Variants in KCNJ3 observed in about 807,000 individuals in gnomAD.
KCNJ3 encodes the protein potassium inwardly rectifying channel subfamily J member 3.
In KCNJ3, 4 loss-of-function variants were observed where a neutral mutation model predicts 39.2. That is an observed-to-expected ratio of 0.10 (90% CI 0.05 to 0.23). KCNJ3 has a LOEUF of 0.23. KCNJ3 is among the 10% of genes least tolerant of loss of function. KCNJ3 has a pLI of 1.00. For missense variants in KCNJ3, 276 were observed against 634.9 expected (o/e 0.43, Z 6.08); for synonymous variants, 230 against 237.4 (o/e 0.97, Z 0.29).
intron 2 of KCNJ3, among the ~76,000 whole-genome samples, chr2:154,725,911 A>G (rs916895905): frequency 3.3e-5 from 5 of 152,018 alleles, no homozygotes; most frequent in Admixed American, 6.6e-5. Flanking sequence ...AGCCACATGT[A>G]GAAGAATGAA....
In KCNJ3 at chr2:154,811,587, C is replaced by T. The variant is rs1964461; in HGVS notation, c.920-43140C>T. Among the ~76,000 whole-genome samples, 809 of 152,218 alleles carry T rather than the reference C, an allele frequency of 5.3e-3. 5 individuals carry two copies. Among genetic ancestry groups the T allele is most frequent in the South Asian group, 0.017 (83 of 4,818 alleles). On this transcript the variant is annotated intron_variant, in intron 2 of 2. Coordinates refer to ENST00000295101, the MANE Select transcript of KCNJ3 (RefSeq NM_002239.4). ...GATTACAGGCATGAACCACTGTGCCCGGCCCAATCTATCACTTTCTTAGAG... is the reference window on the plus strand; with the variant it reads ...GATTACAGGCATGAACCACTGTGCCTGGCCCAATCTATCACTTTCTTAGAG...
intron 2 of KCNJ3, among the ~76,000 whole-genome samples, chr2:154,822,317 A>G (rs754218041): frequency 6.6e-6 from 1 of 152,126 alleles, no homozygotes; most frequent in Non-Finnish European, 1.5e-5. Flanking sequence ...CATACTTTCT[A>G]TTTTTTAACT....
At chr2:154,811,817 T>C (rs1286794088) in intron 2 of KCNJ3, among the ~76,000 whole-genome samples, 1 of 152,178 alleles carries the variant, frequency 6.6e-6, no homozygotes, top group East Asian at 1.9e-4. Context: ...GTAGCAGAGA[T>C]GGGTGGTATT....
intron 2 of KCNJ3, among the ~76,000 whole-genome samples, chr2:154,755,625 C>T (rs1194014513): frequency 1.3e-5 from 2 of 150,238 alleles, no homozygotes; most frequent in Non-Finnish European, 3.0e-5. Context: ...ATAAAATCTA[C>T]GAGGGCATAA....
chr2:154,719,379 C>T (rs567697164), intron 2 of KCNJ3, among the ~76,000 whole-genome samples: 28 of 152,182 alleles, frequency 1.8e-4, no homozygotes, highest in African/African-American at 6.5e-4. Context: ...GGAGGTGAAT[C>T]TTTGTTAATT....
chr2:154,803,977 A>G (rs903346273), intron 2 of KCNJ3, among the ~76,000 whole-genome samples: 2 of 152,102 alleles, frequency 1.3e-5, no homozygotes, highest in East Asian at 1.9e-4. Context: ...GAGTATTTCA[A>G]TGCATTCTAA....
At chr2:154,732,722 C>T (rs1259942100) in intron 2 of KCNJ3, among the ~76,000 whole-genome samples, 4 of 152,130 alleles carry the variant, frequency 2.6e-5, no homozygotes, top group African/African-American at 9.7e-5. Flanking sequence ...CTGCTCATTT[C>T]TATCTTCTTT....
intron 2 of KCNJ3, among the ~76,000 whole-genome samples, chr2:154,784,606 C>G (rs915326553): frequency 1.3e-5 from 2 of 152,176 alleles, no homozygotes; most frequent in Admixed American, 1.3e-4. Flanking sequence ...TGGTCTCGAA[C>G]TCCTGATCTC....
At chr2:154,844,767 G>GAATT (rs1687637894) in intron 2 of KCNJ3, among the ~76,000 whole-genome samples, 1 of 152,210 alleles carries the variant, frequency 6.6e-6, no homozygotes, top group Admixed American at 6.5e-5. Context: ...GCATGGGAGA[G>GAATT]AATTACCTTG....
intron 2 of KCNJ3, among the ~76,000 whole-genome samples, chr2:154,795,778 C>A (rs1686710233): frequency 6.6e-6 from 1 of 151,966 alleles, no homozygotes; most frequent in East Asian, 1.9e-4. Flanking sequence ...TTTTGCATTT[C>A]TTTGTGAAGT....
intron 2 of KCNJ3, among the ~76,000 whole-genome samples, chr2:154,723,725 A>G (rs185846572): frequency 6.6e-6 from 1 of 152,328 alleles, no homozygotes; most frequent in East Asian, 1.9e-4. Context: ...TTTAAAAACT[A>G]GATTAAATAT....
intron 2 of KCNJ3, among the ~76,000 whole-genome samples, chr2:154,798,219 CACGCACAG>C (rs1686754587): frequency 8.8e-6 from 1 of 113,638 alleles, no homozygotes; most frequent in Admixed American, 8.6e-5. Context: ...CACACACACA[CACGCACAG>C]AGTCTGTTCC....
chr2:154,724,847 ATATT>A (rs1299960137), intron 2 of KCNJ3, among the ~76,000 whole-genome samples: 1 of 147,146 alleles, frequency 6.8e-6, no homozygotes, highest in Non-Finnish European at 1.5e-5. Context: ...ATTTATACTT[ATATT>A]TATAAATATA....
chr2:154,791,756 G>A (rs1686638894), intron 2 of KCNJ3, among the ~76,000 whole-genome samples: 1 of 152,046 alleles, frequency 6.6e-6, no homozygotes, highest in South Asian at 2.1e-4. Flanking sequence ...GCCAAGGTTA[G>A]TGATTCAAGC....
intron 2 of KCNJ3, 123 bp downstream of exon 2, chr2:154,709,942 T>C (rs1327389642): frequency 8.6e-7 from 1 of 1,162,678 alleles, no homozygotes; most frequent in Non-Finnish European, 1.2e-6. Context: ...AGTAATGATT[T>C]GCCTTTCATT....
intron 2 of KCNJ3, among the ~76,000 whole-genome samples, chr2:154,755,623 T>C (rs1251079757): frequency 2.0e-5 from 3 of 150,936 alleles, no homozygotes; most frequent in Non-Finnish European, 4.4e-5. Flanking sequence ...TCATAAAATC[T>C]ACGAGGGCAT....
chr2:154,825,364 A>G (rs1687251697), intron 2 of KCNJ3, among the ~76,000 whole-genome samples: 1 of 152,126 alleles, frequency 6.6e-6, no homozygotes, highest in African/African-American at 2.4e-5. Flanking sequence ...ACGAGTGGGA[A>G]TCTAACCTGT....
At chr2:154,799,149 TTTAACAGAGTCTTGCTCTGTGGCCCA>T (rs1224495093) in intron 2 of KCNJ3, among the ~76,000 whole-genome samples, 3 of 152,188 alleles carry the variant, frequency 2.0e-5, no homozygotes, top group Non-Finnish European at 2.9e-5. Context: ...GTTTTTTGTT[TTTAACAGAGTCTTGCTCTGTGGCCCA>T]GGCTGGAGTG....
At chr2:154,793,778 C>T (rs892168564) in intron 2 of KCNJ3, among the ~76,000 whole-genome samples, 2 of 151,968 alleles carry the variant, frequency 1.3e-5, no homozygotes, top group Non-Finnish European at 2.9e-5. Context: ...TCTGTAAGCT[C>T]TTCAAGTAGC....
Sources: allele counts gnomAD v4.1 joint callset (sites outside exome capture counted in the v4.1 genomes callset), GRCh38; gene constraint gnomAD v4.1.1; transcripts MANE v1.5; gene names NCBI Gene and HGNC (gene_info 2026-07-23, HGNC 2026-07-21).